The following NOX4 variants were observed in gnomAD, a reference collection of about 807,000 sequenced individuals.
NOX4 encodes kidney oxidase-1.
A neutral mutation model predicts 87.6 loss-of-function variants in NOX4; 69 were observed. That is an observed-to-expected ratio of 0.79 (90% CI 0.65 to 0.96). The LOEUF (loss-of-function observed/expected upper bound fraction) is 0.96. Among genes scored for constraint, NOX4 ranks in the 40% least tolerant of loss-of-function variants. The pLI, the probability that NOX4 is intolerant of heterozygous loss-of-function variation, is 0.00. For missense variants in NOX4, 680 were observed against 681.5 expected (o/e 1.00, Z 0.02); for synonymous variants, 275 against 238.2 (o/e 1.15, Z -1.42).
upstream of NOX4, among the ~76,000 whole-genome samples, chr11:89,494,252 G>C (rs1350058872): frequency 6.6e-6 from 1 of 152,164 alleles, no homozygotes; most frequent in East Asian, 1.9e-4. Flanking sequence ...ATAATGGTAA[G>C]CTAGTAGTAT....
intron 11 of NOX4, among the ~76,000 whole-genome samples, chr11:89,384,400 C>A (rs1415751325): frequency 1.3e-5 from 2 of 152,140 alleles, no homozygotes; most frequent in African/African-American, 4.8e-5. Flanking sequence ...GCCTAAATTT[C>A]TTCCTCATCC....
the NOX4 span, among the ~76,000 whole-genome samples, chr11:89,553,940 GT>G: frequency 6.7e-6 from 1 of 148,760 alleles, no homozygotes; most frequent in African/African-American, 2.5e-5. Context: ...GCCTACCCAA[GT>G]TAGACTCCTA....
At chr11:89,578,274 G>C in the NOX4 span, among the ~76,000 whole-genome samples, 1 of 151,512 alleles carries the variant, frequency 6.6e-6, no homozygotes, top group Non-Finnish European at 1.5e-5. Context: ...CAATTCACCT[G>C]CCTCAGCTTC....
intron 8 of NOX4, among the ~76,000 whole-genome samples, chr11:89,413,434 T>C (rs1267384657): frequency 6.6e-6 from 1 of 152,118 alleles, no homozygotes; most frequent in Admixed American, 6.6e-5. Flanking sequence ...AACCTAAGTG[T>C]CCATCAACAG....
At chr11:89,355,455 T>TA (rs1937970454) in intron 12 of NOX4, among the ~76,000 whole-genome samples, 1 of 147,224 alleles carries the variant, frequency 6.8e-6, no homozygotes, top group African/African-American at 2.5e-5. Context: ...TAAAAATATA[T>TA]TTTTTTTCCT....
chr11:89,423,046 C>A (rs751656720), intron 7 of NOX4, among the ~76,000 whole-genome samples: 1 of 152,034 alleles, frequency 6.6e-6, no homozygotes. Flanking sequence ...GATCCACCTG[C>A]GTCAGTCTCC....
intron 11 of NOX4, among the ~76,000 whole-genome samples, chr11:89,382,645 C>T (rs1451245996): frequency 2.0e-5 from 3 of 151,984 alleles, no homozygotes; most frequent in South Asian, 2.1e-4. Context: ...GACTGCTCCT[C>T]CTCAGGTCAC....
intron 2 of NOX4, among the ~76,000 whole-genome samples, chr11:89,489,930 T>A (rs1398490693): frequency 6.6e-6 from 1 of 152,136 alleles, no homozygotes; most frequent in Non-Finnish European, 1.5e-5. Flanking sequence ...GCCCAGTATC[T>A]TTCTCATATT....
rs1213794561 is a variant in NOX4, at chr11:89,402,657, AT to A, written c.630-116del. 3 of 785,748 alleles carry A rather than the reference AT, an allele frequency of 3.8e-6. No homozygotes were observed. The Admixed American group carries it at 7.8e-5, about 20-fold the overall frequency. The allele number at this position is 785,748 out of a possible 1,614,324, so 48.7% of individuals were successfully genotyped here. A position where few individuals can be genotyped will look rare whatever the true frequency, so the allele number is the denominator to read the frequency against. On this transcript the variant is annotated intron_variant, in intron 8 of 17. Transcript: ENST00000263317. Reference sequence around the variant, plus strand: ...TTTTTGTTTGCTAACTTTACACAGCATTTATCCAAAAAGTGTTCCTTATGTA... The same window carrying A: ...TTTTTGTTTGCTAACTTTACACAGCATTATCCAAAAAGTGTTCCTTATGTA...
intron 13 of NOX4, among the ~76,000 whole-genome samples, chr11:89,349,579 T>C (rs1191044578): frequency 6.6e-6 from 1 of 152,152 alleles, no homozygotes; most frequent in African/African-American, 2.4e-5. Context: ...TTGCTTTTAT[T>C]GTCCAAACAA....
chr11:89,337,340 G>C (rs901028612), intron 16 of NOX4, 107 bp downstream of exon 16: 2 of 1,530,104 alleles, frequency 1.3e-6, no homozygotes, highest in Non-Finnish European at 8.9e-7. Context: ...CTTTCCTCTA[G>C]GAAACTTCTG....
At chr11:89,552,997 T>C in the NOX4 span, among the ~76,000 whole-genome samples, 13 of 152,262 alleles carry the variant, frequency 8.5e-5, no homozygotes, top group African/African-American at 2.6e-4. Flanking sequence ...AGCAATGTGC[T>C]TGGTTTTAAT....
At chr11:89,493,719 G>GTTTTTT (rs141832218), upstream of NOX4, among the ~76,000 whole-genome samples, 24 of 132,172 alleles carry the variant, frequency 1.8e-4, no homozygotes, top group East Asian at 2.0e-3. Context: ...AAGCCAGATT[G>GTTTTTT]TTTTATTATT....
At chr11:89,497,381 T>A (rs2135508698) in intron 1 of NOX4, among the ~76,000 whole-genome samples, 1 of 148,996 alleles carries the variant, frequency 6.7e-6, no homozygotes, top group African/African-American at 2.5e-5. Context: ...TTTAAAGTAT[T>A]GAGGAAATAT....
intron 11 of NOX4, among the ~76,000 whole-genome samples, chr11:89,374,863 C>T (rs569215196): frequency 6.6e-6 from 1 of 152,240 alleles, no homozygotes; most frequent in South Asian, 2.1e-4. Context: ...GATTGGGTTA[C>T]ATAAAGCAAG....
the NOX4 span, among the ~76,000 whole-genome samples, chr11:89,536,296 G>A: frequency 1.3e-4 from 19 of 151,778 alleles, no homozygotes; most frequent in African/African-American, 1.7e-4. Context: ...ATAGGCGCCC[G>A]CCACCATGCC....
At chr11:89,367,503 G>A (rs1197255148) in intron 12 of NOX4, among the ~76,000 whole-genome samples, 1 of 151,980 alleles carries the variant, frequency 6.6e-6, no homozygotes, top group African/African-American at 2.4e-5. Context: ...TGATTTTTAT[G>A]AGGCTAACAG....
the NOX4 span, among the ~76,000 whole-genome samples, chr11:89,556,133 A>G: frequency 0.42 from 63,218 of 151,910 alleles, 13,994 homozygotes; most frequent in African/African-American, 0.57. Flanking sequence ...TTGGGATCTA[A>G]CATCTACCCT....
chr11:89,453,312 T>C (rs1326774034), intron 2 of NOX4, among the ~76,000 whole-genome samples: 1 of 152,212 alleles, frequency 6.6e-6, no homozygotes, highest in Non-Finnish European at 1.5e-5. Context: ...TTTGTCTTTC[T>C]GTGCCTGGCT....
Sources: gnomAD v4.1 joint callset for allele counts (sites outside exome capture counted in the v4.1 genomes callset) on GRCh38, gnomAD v4.1.1 for gene constraint, MANE v1.5 for transcripts, NCBI Gene and HGNC (gene_info 2026-07-23, HGNC 2026-07-21) for gene names.